ADCY9: variants seen among roughly 807,000 people sequenced by gnomAD.
ADCY9 encodes adenylate cyclase type 9.
A neutral mutation model predicts 101.5 loss-of-function variants in ADCY9; 50 were observed. The ratio of observed to expected loss-of-function variants is 0.49; its 90% CI spans 0.39 to 0.62. The LOEUF (loss-of-function observed/expected upper bound fraction) is 0.62. ADCY9 is among the 20% of genes least tolerant of loss of function. The pLI is 0.00. For synonymous variants in ADCY9, 905 were observed against 769.3 expected, an observed-to-expected ratio of 1.18 and a Z score of -2.92; for missense variants, 1,662 against 1,800.4, an observed-to-expected ratio of 0.92 and a Z score of 1.39.
In ADCY9 at chr16:3,963,097, C is replaced by CATATATATATATATAT. The variant is rs57326989; in HGVS notation, c.*2662_*2677dup. The CATATATATATATATAT allele has an allele frequency of 1.7e-5, 2 of 120,594 alleles. No homozygotes were observed. Among genetic ancestry groups the CATATATATATATATAT allele is most frequent in the African/African-American group, 4.8e-5 (1 of 20,804 alleles). The allele number at this position is 120,594 out of a possible 1,614,324, so 7.5% of individuals were successfully genotyped here. A position where few individuals can be genotyped will look rare whatever the true frequency, so the allele number is the denominator to read the frequency against. On this transcript the variant is annotated 3_prime_UTR_variant, in exon 11 of 11. Coordinates refer to ENST00000294016, the MANE Select transcript of ADCY9 (RefSeq NM_001116.4). ...GATAAAATTGTGTGTGCTTGTTTAC[C>CATATATATATATATAT]ATATATATATATATATATATATATA...
intron 2 of ADCY9, among the ~76,000 whole-genome samples, chr16:4,037,039 G>A (rs2056594900): frequency 6.6e-6 from 1 of 152,066 alleles, no homozygotes; most frequent in Admixed American, 6.6e-5. Context: ...TTCCAAGCTG[G>A]GCATGGTGGC....
In ADCY9 at chr16:3,963,284, C is replaced by A; in HGVS notation, c.*2491G>T. The A allele has an allele frequency of 2.5e-6, 1 of 398,688 alleles. No homozygotes were observed. The highest frequency in any genetic ancestry group is 1.3e-4 in the South Asian group (1 of 7,812). The allele number at this position is 398,688 out of a possible 1,614,324, so 24.7% of individuals were successfully genotyped here. A position where few individuals can be genotyped will look rare whatever the true frequency, so the allele number is the denominator to read the frequency against. On this transcript the variant is annotated 3_prime_UTR_variant, in exon 11 of 11. Transcript: ENST00000294016. ...GGTATTGCCACCCTGAAGCACGACC[C>A]ATGCCGTCAGCAGCCCTCGTGCCAG...
chr16:4,037,305 A>G (rs2141761660), intron 2 of ADCY9, among the ~76,000 whole-genome samples: 1 of 152,284 alleles, frequency 6.6e-6, no homozygotes, highest in East Asian at 1.9e-4. Context: ...GCAACAGAGC[A>G]AGACTCTTCT....
At chr16:4,076,472 G>A (rs760810340) in intron 2 of ADCY9, among the ~76,000 whole-genome samples, 18 of 152,270 alleles carry the variant, frequency 1.2e-4, no homozygotes, top group Non-Finnish European at 1.9e-4. Flanking sequence ...AACCTAACTC[G>A]TCCCACACAA....
At chr16:3,985,836 C>T (rs567358498) in intron 6 of ADCY9, among the ~76,000 whole-genome samples, 4 of 152,190 alleles carry the variant, frequency 2.6e-5, no homozygotes. Context: ...CAGCCTCCCC[C>T]TCTGGGCCAC....
intron 2 of ADCY9, among the ~76,000 whole-genome samples, chr16:4,063,946 C>T (rs193254615): frequency 1.3e-5 from 2 of 152,100 alleles, no homozygotes; most frequent in African/African-American, 4.8e-5. Flanking sequence ...AGGTGCTATC[C>T]AGAACAATAA....
chr16:4,090,739 C>T (rs1170487007), intron 2 of ADCY9, among the ~76,000 whole-genome samples: 1 of 151,268 alleles, frequency 6.6e-6, no homozygotes, highest in Non-Finnish European at 1.5e-5. Flanking sequence ...TTAAATACTA[C>T]TTTTTTTTCA....
Position 3,973,271 on chromosome 16 carries a change from G to A in ADCY9, c.2870+1398C>T, listed in dbSNP as rs182244644. ...TCGCCCAGGCTGGAGTGCAGTGGCCGATCTTGGCTCACTGCAACCTCCGCT... is the reference window on the plus strand; with the variant it reads ...TCGCCCAGGCTGGAGTGCAGTGGCCAATCTTGGCTCACTGCAACCTCCGCT... On this transcript the variant is annotated intron_variant, in intron 10 of 10. Transcript: ENST00000294016. Among the ~76,000 whole-genome samples, 64 of 151,986 alleles carry A rather than the reference G, an allele frequency of 4.2e-4. 1 individual carries two copies. In the East Asian group the frequency reaches 0.01, roughly 24 times the overall value.
At chr16:4,099,370 G>T (rs180993158) in intron 2 of ADCY9, among the ~76,000 whole-genome samples, 1 of 152,154 alleles carries the variant, frequency 6.6e-6, no homozygotes, top group African/African-American at 2.4e-5. Context: ...CAAGGAACTC[G>T]AAGATGCACA....
Position 3,979,282 on chromosome 16 carries a change from G to A in ADCY9, c.2520-7C>T, listed in dbSNP as rs2056120284. On this transcript the variant is annotated splice_polypyrimidine_tract_variant and splice_region_variant and intron_variant, in intron 7 of 10. Transcript: ENST00000294016. ...CTCCAGGAAGAACACCATCCTGCGA[G>A]AGGCATGGGGGTTAGCAGGAGCGAC... 1 of 1,613,494 alleles carries A rather than the reference G, an allele frequency of 6.2e-7. No individual in the cohort carries two copies. Among genetic ancestry groups the A allele is most frequent in the Non-Finnish European group, 8.5e-7 (1 of 1,179,848 alleles).
chr16:4,014,115 T>C (rs1026901283), intron 2 of ADCY9, among the ~76,000 whole-genome samples: 2 of 152,148 alleles, frequency 1.3e-5, no homozygotes, highest in African/African-American at 4.8e-5. Flanking sequence ...GCTCAGGAGT[T>C]TGAGACCAGC....
At chr16:3,969,614 T>TATATATATATACATATACGTA (rs1567414929) in intron 10 of ADCY9, among the ~76,000 whole-genome samples, 1 of 50,720 alleles carries the variant, frequency 2.0e-5, no homozygotes, top group African/African-American at 7.9e-5. Flanking sequence ...ATATATGTAT[T>TATATATATATACATATACGTA]TTTTTTTTTT....
chr16:4,072,099 A>G (rs1198908187), intron 2 of ADCY9, among the ~76,000 whole-genome samples: 3 of 152,196 alleles, frequency 2.0e-5, no homozygotes, highest in African/African-American at 7.2e-5. Context: ...AAAGCCTGTG[A>G]ATCTCCCTTG....
chr16:4,029,384 G>T (rs753503656), intron 2 of ADCY9, among the ~76,000 whole-genome samples: 4 of 152,192 alleles, frequency 2.6e-5, no homozygotes, highest in Non-Finnish European at 2.9e-5. Context: ...CAAAACTAGA[G>T]TGGGAGAAGG....
intron 3 of ADCY9, among the ~76,000 whole-genome samples, chr16:3,998,069 G>C (rs1181351112): frequency 3.3e-5 from 5 of 152,138 alleles, no homozygotes; most frequent in Non-Finnish European, 7.4e-5. Context: ...ACTCCAGCCT[G>C]GGCGACAGAG....
intron 2 of ADCY9, among the ~76,000 whole-genome samples, chr16:4,095,060 T>C (rs1019276116): frequency 3.3e-5 from 5 of 149,444 alleles, no homozygotes; most frequent in Non-Finnish European, 7.4e-5. Context: ...TGGAGTGCAA[T>C]GGCGCAATCT....
rs557034169 is a variant in ADCY9, at chr16:4,055,610, G to A, written c.1694-48052C>T. Among the ~76,000 whole-genome samples, 497 of 152,018 alleles carry A rather than the reference G, an allele frequency of 3.3e-3. 1 individual carries two copies. The highest frequency in any genetic ancestry group is 0.011 in the African/African-American group (465 of 41,498). ...GCACTTTGGGAGGCCGGGGTGGGGG[G>A]ATCACGAGGTCAGGAGATCGAGACC... On this transcript the variant is annotated intron_variant, in intron 2 of 10. Transcript: ENST00000294016.
intron 6 of ADCY9, among the ~76,000 whole-genome samples, chr16:3,987,317 G>A (rs1817689014): frequency 6.6e-6 from 1 of 152,248 alleles, no homozygotes; most frequent in Non-Finnish European, 1.5e-5. Context: ...AGCAGAGGCT[G>A]AGCGTACATT....
intron 2 of ADCY9, among the ~76,000 whole-genome samples, chr16:4,065,437 A>C (rs2056795211): frequency 6.6e-6 from 1 of 152,204 alleles, no homozygotes; most frequent in Non-Finnish European, 1.5e-5. Context: ...GGAAAGCATC[A>C]TTCATCTCCT....
Sources: allele counts gnomAD v4.1 joint callset (sites outside exome capture counted in the v4.1 genomes callset), GRCh38; gene constraint gnomAD v4.1.1; transcripts MANE v1.5; gene names NCBI Gene and HGNC (gene_info 2026-07-23, HGNC 2026-07-21).